Variants in CECR2 observed in about 807,000 individuals in gnomAD.
CECR2 encodes CECR2 histone acetyl-lysine reader.
In CECR2, 30 loss-of-function variants were observed where a neutral mutation model predicts 154.5. The ratio of observed to expected loss-of-function variants is 0.19; its 90% CI spans 0.15 to 0.26. CECR2 has a LOEUF of 0.26. Among genes scored for constraint, CECR2 ranks in the 10% least tolerant of loss-of-function variants. The pLI is 1.00. For synonymous variants in CECR2, 725 were observed against 683.7 expected, an observed-to-expected ratio of 1.06 and a Z score of -0.94; for missense variants, 1,743 against 1,829.3, an observed-to-expected ratio of 0.95 and a Z score of 0.86.
chr22:17,400,497 C>T (rs1024802551), intron 1 of CECR2, among the ~76,000 whole-genome samples: 6 of 152,156 alleles, frequency 3.9e-5, no homozygotes, highest in Admixed American at 6.5e-5. Context: ...TTAGGAGGCT[C>T]TTGAGAAATG....
chr22:17,421,849 C>CT (rs1324426938), intron 1 of CECR2, among the ~76,000 whole-genome samples: 3 of 108,052 alleles, frequency 2.8e-5, no homozygotes, highest in African/African-American at 3.8e-5. Flanking sequence ...CGCATCTCTA[C>CT]TAAAAAAAAA....
rs1273334972 is a variant in CECR2, at chr22:17,398,125, C to A, written c.126+28216C>A. Among the ~76,000 whole-genome samples, 3 of 151,530 alleles carry A rather than the reference C, an allele frequency of 2.0e-5. No homozygotes were observed. The East Asian group carries it at 5.8e-4, about 29-fold the overall frequency. ...TTCATGGTATGTCTGCTTCTGATTA[C>A]AGTTGAGGAATACATTGATTATATT... On this transcript the variant is annotated intron_variant, in intron 1 of 18. Coordinates refer to ENST00000262608, the MANE Select transcript of CECR2 (RefSeq NM_001290047.2).
At chr22:17,430,937 T>C (rs1397359238) in intron 1 of CECR2, among the ~76,000 whole-genome samples, 1 of 152,206 alleles carries the variant, frequency 6.6e-6, no homozygotes, top group South Asian at 2.1e-4. Context: ...ACTCTGTTAG[T>C]TTTATTTGAT....
intron 1 of CECR2, among the ~76,000 whole-genome samples, chr22:17,380,013 T>C (rs1485291020): frequency 2.0e-5 from 3 of 152,150 alleles, no homozygotes; most frequent in African/African-American, 4.8e-5. Flanking sequence ...CTGTGTCTTG[T>C]TTTTTATTCT....
intron 3 of CECR2, among the ~76,000 whole-genome samples, chr22:17,498,593 G>C (rs1345846141): frequency 6.6e-6 from 1 of 152,164 alleles, no homozygotes; most frequent in Non-Finnish European, 1.5e-5. Flanking sequence ...GACTTCAGTA[G>C]CAGTGAGAAG....
At position 17,419,537 on chromosome 22, in the gene CECR2, G is replaced by A. The variant is rs549457664; in HGVS notation, c.126+49628G>A. On this transcript the variant is annotated intron_variant, in intron 1 of 18. Transcript: ENST00000262608. The stretch of plus-strand genomic sequence containing the variant: ...AAGAAGAAGAAGAAGAAGAGGAAGA[G>A]GAAGAGGAAGAGGAGGAGGAGGAGG... The A allele has an allele frequency of 3.1e-3, 621 of 199,744 alleles. 5 individuals carry two copies. Among genetic ancestry groups the A allele is most frequent in the African/African-American group, 0.028 (580 of 20,590 alleles). The allele number at this position is 199,744 out of a possible 1,614,324, so 12.4% of individuals were successfully genotyped here.
chr22:17,503,287 T>G (rs2055773557), intron 6 of CECR2, among the ~76,000 whole-genome samples, 156 bp downstream of exon 6: 1 of 152,196 alleles, frequency 6.6e-6, no homozygotes, highest in Non-Finnish European at 1.5e-5. Flanking sequence ...TCCTCACACC[T>G]TATCCTGTGC....
In CECR2 at chr22:17,537,239, A is replaced by G. The variant is rs1326749804; in HGVS notation, c.1238+7A>G. 1 of 1,613,420 alleles carries G rather than the reference A, an allele frequency of 6.2e-7. No homozygotes were observed. Among genetic ancestry groups the G allele is most frequent in the Non-Finnish European group, 8.5e-7 (1 of 1,179,702 alleles). ...AAAAAAAGACTAAAGACCTGTGAGT[A>G]TTTAGTAACAACAACAACAGCAGTA... is the stretch of plus-strand genomic sequence containing the variant. On this transcript the variant is annotated splice_region_variant and intron_variant, in intron 10 of 18. Transcript: ENST00000262608.
intron 7 of CECR2, among the ~76,000 whole-genome samples, chr22:17,506,647 T>TTTTGTTTG (rs757481198): frequency 6.6e-6 from 1 of 152,100 alleles, no homozygotes; most frequent in Non-Finnish European, 1.5e-5. Context: ...TTTCATGTTT[T>TTTTGTTTG]TTTGTTTGTT....
intron 7 of CECR2, among the ~76,000 whole-genome samples, chr22:17,505,660 A>G (rs2146901586): frequency 1.3e-5 from 2 of 148,506 alleles, no homozygotes; most frequent in South Asian, 4.2e-4. Flanking sequence ...CAGCCTCCTG[A>G]GTAGCTGGGA....
intron 1 of CECR2, among the ~76,000 whole-genome samples, chr22:17,400,170 T>C (rs1241786446): frequency 6.6e-6 from 1 of 152,232 alleles, no homozygotes; most frequent in Non-Finnish European, 1.5e-5. Flanking sequence ...TAGTGTGACT[T>C]AGGAATTGGG....
Position 17,548,226 on chromosome 22 carries a change from A to G in CECR2, c.2939A>G (p.His980Arg), listed in dbSNP as rs1374600578. 6.3e-7 allele frequency: 1 copy of G among 1,593,796 alleles called. No individual in the cohort carries two copies. Among genetic ancestry groups the G allele is most frequent in the African/African-American group, 1.4e-5 (1 of 73,440 alleles). Residue 980 changes from histidine to arginine, a missense_variant, in exon 17 of 19, where the codon CAC becomes CGC. Physicochemically the swap from His to Arg is conservative, Grantham distance 29 (BLOSUM62 0). This residue lies in a region of CECR2 where 1,250 missense variants were observed against 1,192.1 expected (regional missense o/e 1.05). Coordinates refer to ENST00000262608, the MANE Select transcript of CECR2 (RefSeq NM_001290047.2). ...GGGGTCTACCTCACACAACTACCTC[A>G]CCCCACACCTCCCCTGCAGACTGAC... ...SEGVYLTQLPHPTPPLQTDCT... is the reference protein window; with the variant it reads ...SEGVYLTQLPRPTPPLQTDCT...
intron 1 of CECR2, among the ~76,000 whole-genome samples, chr22:17,394,273 A>C (rs1441259696): frequency 1.4e-5 from 2 of 141,018 alleles, no homozygotes; most frequent in Admixed American, 7.8e-5. Context: ...GCATGACCAT[A>C]GCTCACTGCA....
intron 1 of CECR2, among the ~76,000 whole-genome samples, chr22:17,378,011 G>C (rs527247285): frequency 1.3e-5 from 2 of 152,030 alleles, no homozygotes; most frequent in Non-Finnish European, 2.9e-5. Flanking sequence ...TGAGACGGAG[G>C]CTTGCTCTGT....
At position 17,552,143 on chromosome 22, in the gene CECR2, G is replaced by A; in HGVS notation, c.4389+1G>A. 1 of 1,613,028 alleles carries A rather than the reference G, an allele frequency of 6.2e-7. No individual in the cohort carries two copies. On this transcript the variant is annotated splice_donor_variant, in intron 18 of 18. Coordinates refer to ENST00000262608, the MANE Select transcript of CECR2 (RefSeq NM_001290047.2). LOFTEE classifies it high-confidence loss of function. ...GCCTCCAACACTTCCCCTGGATCAG[G>A]TAAGGATCACTAAAAATTAGAGCTG...
Position 17,549,346 on chromosome 22 carries a change from G to T in CECR2, c.4059G>T (p.Arg1353=). Residue 1353 remains arginine (R), a synonymous_variant, in exon 17 of 19, where the codon CGG becomes CGT. Coordinates refer to ENST00000262608, the MANE Select transcript of CECR2 (RefSeq NM_001290047.2). ...CGGGGCCTCCCTATACCCCTCAGCG[G>T]CCGGCCAGTCACTTTCAGCCCAGGG... ...LQTGPPYTPQ[R]PASHFQPRAY... is the part of the protein sequence containing the mutation. 1.2e-6 allele frequency: 2 copies of T among 1,613,902 alleles called. No individual in the cohort carries two copies. Among genetic ancestry groups the T allele is most frequent in the South Asian group, 2.2e-5 (2 of 91,080 alleles).
intron 1 of CECR2, among the ~76,000 whole-genome samples, chr22:17,405,009 T>C (rs2053959928): frequency 6.6e-6 from 1 of 152,216 alleles, no homozygotes; most frequent in African/African-American, 2.4e-5. Context: ...TTCTTTGATT[T>C]CTGACAGAAA....
At chr22:17,461,598 G>A (rs992715696) in intron 1 of CECR2, among the ~76,000 whole-genome samples, 1 of 152,112 alleles carries the variant, frequency 6.6e-6, no homozygotes, top group African/African-American at 2.4e-5. Context: ...AAAGCAATTA[G>A]CATTCTCCAG....
Position 17,552,132 on chromosome 22 carries a change from C to T in CECR2, c.4379C>T (p.Pro1460Leu), listed in dbSNP as rs200479711. 1 of 1,613,794 alleles carries T rather than the reference C, an allele frequency of 6.2e-7. No homozygotes were observed. Among genetic ancestry groups the T allele is most frequent in the Admixed American group, 1.7e-5 (1 of 60,006 alleles). ...CCGCCTCATAAGCCTCCAACACTTC[C>T]CCTGGATCAGGTAAGGATCACTAAA... ...EVPPHKPPTL[P>L]LDQS The change falls in exon 18 of 19, where the codon CCC (proline) becomes CTC (leucine). Residue 1460 changes from proline (P) to leucine (L), a missense_variant. Pro to Leu is a moderately conservative substitution (Grantham distance 98). This residue lies in a region of CECR2 where 1,250 missense variants were observed against 1,192.1 expected (regional missense o/e 1.05). Coordinates refer to ENST00000262608, the MANE Select transcript of CECR2 (RefSeq NM_001290047.2).
Sources: allele counts gnomAD v4.1 joint callset (sites outside exome capture counted in the v4.1 genomes callset), GRCh38; gene constraint gnomAD v4.1.1; regional missense constraint gnomAD v4.1.1; transcripts MANE v1.5; gene names NCBI Gene and HGNC (gene_info 2026-07-23, HGNC 2026-07-21).